Variants in ZFHX3 observed in about 807,000 individuals in gnomAD.
The protein encoded by ZFHX3 is zinc finger homeobox protein 3.
A neutral mutation model predicts 279.1 loss-of-function variants in ZFHX3; 42 were observed. That is an observed-to-expected ratio of 0.15 (90% CI 0.12 to 0.19). ZFHX3 has a LOEUF of 0.19. Among genes scored for constraint, ZFHX3 ranks in the 10% least tolerant of loss-of-function variants. The pLI is 1.00. For missense variants in ZFHX3, 4,981 were observed against 4,754.0 expected, an observed-to-expected ratio of 1.05 and a Z score of -1.40; for synonymous variants, 2,293 against 1,957.8, an observed-to-expected ratio of 1.17 and a Z score of -4.52.
intron 5 of ZFHX3, among the ~76,000 whole-genome samples, chr16:72,827,585 G>T (rs545264445): frequency 6.6e-6 from 1 of 152,160 alleles, no homozygotes; most frequent in Non-Finnish European, 1.5e-5. Flanking sequence ...CTCACCTGGC[G>T]ATCTGTTTAA....
At position 73,178,037 on chromosome 16, in the gene ZFHX3, G is replaced by A. The variant is rs188954373; in HGVS notation, c.-1103-34206C>T. Among the ~76,000 whole-genome samples, 31 of 152,312 alleles carry A rather than the reference G, an allele frequency of 2.0e-4. No individual in the cohort carries two copies. In the East Asian group the frequency reaches 6.0e-3, roughly 29 times the overall value. ...TTCTAGCTTCCTTACTCTGAGCTGAGATCTACCTAACTGTAGCTTCCACCA... is the reference window on the plus strand; with the variant it reads ...TTCTAGCTTCCTTACTCTGAGCTGAAATCTACCTAACTGTAGCTTCCACCA... On this transcript the variant is annotated intron_variant, in intron 5 of 17. Coordinates refer to the ZFHX3 transcript ENST00000641206.
intron 4 of ZFHX3, among the ~76,000 whole-genome samples, chr16:73,288,286 AGG>A (rs1223706134): frequency 6.6e-6 from 1 of 152,152 alleles, no homozygotes; most frequent in Non-Finnish European, 1.5e-5. Flanking sequence ...AAATCCGGCC[AGG>A]GGATTGCAGG....
intron 1 of ZFHX3, among the ~76,000 whole-genome samples, chr16:73,783,159 G>T (rs548185137): frequency 4.6e-5 from 7 of 152,212 alleles, no homozygotes; most frequent in South Asian, 2.1e-4. Flanking sequence ...GCTGAGTACC[G>T]GGCCAAGATG....
At position 73,554,992 on chromosome 16, in the gene ZFHX3, C is replaced by T. The variant is rs191732209; in HGVS notation, c.-1546-98734G>A. 2.9e-3 allele frequency among the ~76,000 whole-genome samples: 442 copies of T among 152,310 alleles called. 1 individual carries two copies. Among genetic ancestry groups the T allele is most frequent in the Admixed American group, 4.9e-3 (75 of 15,300 alleles). On this transcript the variant is annotated intron_variant, in intron 2 of 17. Transcript: ENST00000641206. ...CTCCAGAAGGCAGCATCTTTCCCAC[C>T]CAATGCCCCCTAAGTGAAGACTTAC...
At chr16:73,031,801 C>G (rs1023156334) in intron 1 of ZFHX3, among the ~76,000 whole-genome samples, 1 of 152,072 alleles carries the variant, frequency 6.6e-6, no homozygotes, top group Non-Finnish European at 1.5e-5. Flanking sequence ...AGAAGGCCCA[C>G]TGTGACCCTT....
At chr16:73,801,138 T>A (rs1258629630) in intron 1 of ZFHX3, among the ~76,000 whole-genome samples, 2 of 152,224 alleles carry the variant, frequency 1.3e-5, no homozygotes, top group African/African-American at 4.8e-5. Context: ...TATTCAATTA[T>A]ATAGCATATG....
At chr16:73,590,717 G>A (rs762299307) in intron 2 of ZFHX3, among the ~76,000 whole-genome samples, 5 of 152,134 alleles carry the variant, frequency 3.3e-5, no homozygotes, top group Non-Finnish European at 7.4e-5. Flanking sequence ...ATTTTGTTTA[G>A]TTTTGTTTTG....
intron 4 of ZFHX3, among the ~76,000 whole-genome samples, chr16:73,304,993 C>G (rs966771585): frequency 6.6e-6 from 1 of 152,166 alleles, no homozygotes; most frequent in African/African-American, 2.4e-5. Context: ...CCAGATTCAG[C>G]ATTTCCCTGC....
chr16:73,630,689 G>A (rs1306773004), intron 2 of ZFHX3, among the ~76,000 whole-genome samples: 1 of 152,180 alleles, frequency 6.6e-6, no homozygotes, highest in Non-Finnish European at 1.5e-5. Context: ...GAAACAGGAC[G>A]TTCAGCTGGC....
At chr16:73,342,160 T>C (rs1042904403) in intron 3 of ZFHX3, among the ~76,000 whole-genome samples, 1 of 152,224 alleles carries the variant, frequency 6.6e-6, no homozygotes, top group Admixed American at 6.5e-5. Flanking sequence ...GAAAGCTTGA[T>C]ACATTCTGCT....
intron 7 of ZFHX3, among the ~76,000 whole-genome samples, chr16:73,116,080 A>G (rs929501734): frequency 9.9e-5 from 15 of 151,608 alleles, no homozygotes; most frequent in African/African-American, 2.4e-5. Flanking sequence ...AGATCATGCC[A>G]GTGTACTCCA....
chr16:73,482,596 C>A (rs1342173572), intron 2 of ZFHX3, among the ~76,000 whole-genome samples: 4 of 152,160 alleles, frequency 2.6e-5, no homozygotes, highest in Non-Finnish European at 4.4e-5. Context: ...AATGCAATCC[C>A]GCAAAGAGTG....
chr16:73,694,751 A>G (rs2053180410), intron 1 of ZFHX3, among the ~76,000 whole-genome samples: 1 of 152,222 alleles, frequency 6.6e-6, no homozygotes, highest in Non-Finnish European at 1.5e-5. Context: ...TGTGTTGAGA[A>G]TATGAATGTC....
intron 5 of ZFHX3, among the ~76,000 whole-genome samples, chr16:73,146,934 A>G (rs578011814): frequency 3.9e-5 from 6 of 152,350 alleles, no homozygotes; most frequent in African/African-American, 1.4e-4. Flanking sequence ...CTAGAATTAC[A>G]GACGTGAGCC....
intron 8 of ZFHX3, among the ~76,000 whole-genome samples, chr16:73,069,268 C>A (rs532751757): frequency 6.6e-6 from 1 of 152,104 alleles, no homozygotes; most frequent in Non-Finnish European, 1.5e-5. Context: ...TCTTTTAACC[C>A]GAGGGCTGAA....
chr16:73,023,042 A>G (rs563405171), intron 1 of ZFHX3, among the ~76,000 whole-genome samples: 110 of 152,312 alleles, frequency 7.2e-4, no homozygotes, highest in African/African-American at 2.5e-3. Context: ...AACCTGGCCA[A>G]CATGGCAAAA....
At chr16:72,881,774 T>C (rs1401570916) in intron 4 of ZFHX3, among the ~76,000 whole-genome samples, 1 of 151,864 alleles carries the variant, frequency 6.6e-6, no homozygotes, top group East Asian at 1.9e-4. Context: ...TTAGGAGGTC[T>C]CTCCCCTCCA....
chr16:73,154,293 G>C (rs1281819075), intron 5 of ZFHX3, among the ~76,000 whole-genome samples: 1 of 152,176 alleles, frequency 6.6e-6, no homozygotes, highest in Non-Finnish European at 1.5e-5. Flanking sequence ...AAGCAACCAG[G>C]CTGGTCTGAA....
chr16:73,777,735 C>T (rs1461569562), intron 1 of ZFHX3, among the ~76,000 whole-genome samples: 3 of 152,126 alleles, frequency 2.0e-5, no homozygotes, highest in African/African-American at 7.2e-5. Flanking sequence ...TCATCTAATC[C>T]TCACACTTGC....
Sources: allele counts gnomAD v4.1 joint callset (sites outside exome capture counted in the v4.1 genomes callset), GRCh38; gene constraint gnomAD v4.1.1; transcripts MANE v1.5; gene names NCBI Gene and HGNC (gene_info 2026-07-23, HGNC 2026-07-21).